The following DPP10 variants were observed in gnomAD, a reference collection of about 807,000 sequenced individuals.
DPP10 encodes dipeptidyl peptidase like 10.
A neutral mutation model predicts 120.9 loss-of-function variants in DPP10; 33 were observed. The ratio of observed to expected loss-of-function variants is 0.27; its 90% CI spans 0.21 to 0.37. The LOEUF is 0.37. Among genes scored for constraint, DPP10 ranks in the 10% least tolerant of loss-of-function variants. The probability of loss-of-function intolerance (pLI) is 1.00; values close to 1 mark genes in which losing one functional copy is unlikely to be tolerated. For synonymous variants in DPP10, 337 were observed against 326.1 expected (o/e 1.03, Z -0.36); for missense variants, 816 against 942.8 (o/e 0.87, Z 1.76).
intron 1 of DPP10, among the ~76,000 whole-genome samples, chr2:114,951,929 T>A (rs559343869): frequency 3.5e-4 from 53 of 152,142 alleles, no homozygotes; most frequent in African/African-American, 1.1e-3. Context: ...TGTGAATAAA[T>A]TAATATTTAT....
chr2:114,619,879 C>T (rs1482188864), intron 1 of DPP10, among the ~76,000 whole-genome samples: 1 of 151,918 alleles, frequency 6.6e-6, no homozygotes, highest in Non-Finnish European at 1.5e-5. Context: ...CACATTCACT[C>T]CTGTTACTAC....
chr2:114,589,041 G>GGT (rs1691238269), intron 1 of DPP10, among the ~76,000 whole-genome samples: 1 of 150,908 alleles, frequency 6.6e-6, no homozygotes, highest in Non-Finnish European at 1.5e-5. Context: ...TTTTTTTGGG[G>GGT]GGGGGGGTAG....
chr2:115,808,096 A>G (rs986978572), intron 19 of DPP10, among the ~76,000 whole-genome samples: 5 of 152,232 alleles, frequency 3.3e-5, no homozygotes, highest in African/African-American at 1.2e-4. Context: ...GGATAATAAA[A>G]TTGCAAAAGT....
chr2:114,788,577 G>A (rs1489280857), intron 1 of DPP10, among the ~76,000 whole-genome samples: 2 of 151,890 alleles, frequency 1.3e-5, no homozygotes, highest in African/African-American at 2.4e-5. Context: ...CACCACGCCC[G>A]GCTAATTTTT....
chr2:115,087,003 CAG>C (rs1332895352), intron 1 of DPP10, among the ~76,000 whole-genome samples: 1 of 152,154 alleles, frequency 6.6e-6, no homozygotes, highest in East Asian at 1.9e-4. Flanking sequence ...GCAAACAGTG[CAG>C]AGTGTGTGAT....
At chr2:115,199,192 T>C (rs2055509681) in intron 1 of DPP10, among the ~76,000 whole-genome samples, 1 of 152,190 alleles carries the variant, frequency 6.6e-6, no homozygotes, top group South Asian at 2.1e-4. Context: ...AAATTCTTGA[T>C]GAGCAACTGA....
chr2:114,695,536 T>A (rs151278540), intron 1 of DPP10, among the ~76,000 whole-genome samples: 1 of 152,092 alleles, frequency 6.6e-6, no homozygotes, highest in Non-Finnish European at 1.5e-5. Flanking sequence ...TGAGTCAACA[T>A]TCTAGAAATG....
At chr2:114,540,763 T>C (rs111433502) in intron 1 of DPP10, among the ~76,000 whole-genome samples, 2 of 152,184 alleles carry the variant, frequency 1.3e-5, no homozygotes, top group African/African-American at 4.8e-5. Flanking sequence ...AAGACTTCGT[T>C]TTCTAACAGT....
intron 1 of DPP10, among the ~76,000 whole-genome samples, chr2:114,888,709 C>T (rs1213440489): frequency 5.3e-5 from 8 of 152,128 alleles, no homozygotes; most frequent in South Asian, 2.1e-4. Flanking sequence ...TCTGTAATGA[C>T]GTACTGAGAG....
At chr2:115,207,448 C>CAAAAAAAAAAAAAAAAAAAAA (rs1574011539) in intron 1 of DPP10, among the ~76,000 whole-genome samples, 2 of 87,930 alleles carry the variant, frequency 2.3e-5, no homozygotes, top group Admixed American at 1.1e-4. Flanking sequence ...AAAAAAAAAG[C>CAAAAAAAAAAAAAAAAAAAAA]TTTCTCCTGG....
intron 1 of DPP10, among the ~76,000 whole-genome samples, chr2:114,446,037 C>G (rs1340206264): frequency 6.6e-6 from 1 of 152,136 alleles, no homozygotes; most frequent in Non-Finnish European, 1.5e-5. Flanking sequence ...AAATCTTTTA[C>G]TCTGAGATGT....
At chr2:115,840,021 T>C (rs940380152) in intron 24 of DPP10, among the ~76,000 whole-genome samples, 7 of 152,162 alleles carry the variant, frequency 4.6e-5, no homozygotes, top group African/African-American at 1.7e-4. Flanking sequence ...CAACTGAGAC[T>C]GTGCCCTAGT....
intron 21 of DPP10, among the ~76,000 whole-genome samples, chr2:115,829,564 G>A (rs1688714585): frequency 6.6e-6 from 1 of 151,606 alleles, no homozygotes; most frequent in Non-Finnish European, 1.5e-5. Context: ...ATTAAAATTT[G>A]TTTCAACAGT....
At chr2:115,638,215 A>G (rs957090242) in intron 5 of DPP10, among the ~76,000 whole-genome samples, 1 of 152,206 alleles carries the variant, frequency 6.6e-6, no homozygotes, top group African/African-American at 2.4e-5. Context: ...TTTCTTGTTC[A>G]GTCAAAATTT....
At chr2:115,524,756 A>C (rs1292608247) in intron 4 of DPP10, among the ~76,000 whole-genome samples, 3 of 152,178 alleles carry the variant, frequency 2.0e-5, no homozygotes, top group Non-Finnish European at 4.4e-5. Flanking sequence ...TTGCAGTCGC[A>C]TTAGCATGAA....
intron 1 of DPP10, among the ~76,000 whole-genome samples, chr2:114,625,378 A>T (rs369004701): frequency 7.2e-5 from 11 of 151,906 alleles, no homozygotes; most frequent in African/African-American, 2.7e-4. Context: ...AGTACTTCAC[A>T]GGCTTTGCTG....
chr2:114,849,530 G>C (rs184343963), intron 1 of DPP10, among the ~76,000 whole-genome samples: 77 of 152,028 alleles, frequency 5.1e-4, no homozygotes, highest in African/African-American at 1.7e-3. Flanking sequence ...TAGAGATAAG[G>C]TTTCACCATG....
intron 3 of DPP10, among the ~76,000 whole-genome samples, chr2:115,420,354 G>A (rs552376407): frequency 2.0e-5 from 3 of 152,268 alleles, no homozygotes; most frequent in Non-Finnish European, 4.4e-5. Flanking sequence ...AAACAAGCAT[G>A]CTTGCAGGAA....
At chr2:115,024,547 G>A (rs1208541010) in intron 1 of DPP10, among the ~76,000 whole-genome samples, 1 of 150,860 alleles carries the variant, frequency 6.6e-6, no homozygotes, top group African/African-American at 2.4e-5. Flanking sequence ...TGTTTTCAGG[G>A]TACATGTGAT....
Sources: gnomAD v4.1 joint callset for allele counts (sites outside exome capture counted in the v4.1 genomes callset) on GRCh38, gnomAD v4.1.1 for gene constraint, MANE v1.5 for transcripts, NCBI Gene and HGNC (gene_info 2026-07-23, HGNC 2026-07-21) for gene names.